CDH17: variants seen among roughly 807,000 people sequenced by gnomAD.
The protein encoded by CDH17 is cadherin 17.
Under a neutral mutation model 86.3 loss-of-function variants are expected in CDH17, and 67 were observed. The observed-to-expected ratio is 0.78, with a 90% CI of 0.64 to 0.95. The LOEUF (loss-of-function observed/expected upper bound fraction) is 0.95. Ranked by LOEUF, CDH17 falls within the 40% of genes least tolerant of loss-of-function variation. The probability of loss-of-function intolerance (pLI) is 0.00; values close to 1 mark genes in which losing one functional copy is unlikely to be tolerated. For synonymous variants in CDH17, 367 were observed against 366.4 expected, an observed-to-expected ratio of 1.00 and a Z score of -0.02; for missense variants, 993 against 1,017.6, an observed-to-expected ratio of 0.98 and a Z score of 0.33.
intron 11 of CDH17, among the ~76,000 whole-genome samples, chr8:94,161,652 T>C (rs1813054033): frequency 6.7e-6 from 1 of 149,030 alleles, no homozygotes; most frequent in Non-Finnish European, 1.5e-5. Context: ...TCTTCTCCCT[T>C]TCTCTTACCC....
rs1411285938 is a variant in CDH17 at position 94,128,022 on chromosome 8, G to T, written c.*218C>A. ...GCAGGAGAATCATGTGAACCCAGGA[G>T]GCGGAGGTTGCAGTGAGCTGGGATC... On this transcript the variant is annotated 3_prime_UTR_variant, in exon 18 of 18. Transcript: ENST00000027335. The T allele has an allele frequency of 2.4e-5, 10 of 421,060 alleles. No homozygotes were observed. The highest frequency in any genetic ancestry group is 3.8e-5 in the Non-Finnish European group (9 of 235,802). 26.1% of individuals were successfully genotyped at this position (421,060 alleles called of 1,614,324 possible).
intron 10 of CDH17, among the ~76,000 whole-genome samples, chr8:94,162,390 G>A (rs768997408): frequency 2.0e-5 from 3 of 152,152 alleles, no homozygotes; most frequent in Non-Finnish European, 4.4e-5. Flanking sequence ...ATTTTTCTAG[G>A]TTTTTCATTG....
intron 1 of CDH17, among the ~76,000 whole-genome samples, chr8:94,195,560 T>C (rs1813767791): frequency 1.3e-5 from 2 of 152,174 alleles, no homozygotes; most frequent in South Asian, 4.1e-4. Context: ...CTGAACTCTG[T>C]CCTTATTGTC....
intron 7 of CDH17, among the ~76,000 whole-genome samples, chr8:94,172,021 C>T (rs1052338751): frequency 3.0e-5 from 4 of 134,988 alleles, no homozygotes; most frequent in South Asian, 2.7e-4. Flanking sequence ...CCCCTTCTCC[C>T]GCTCCTCCTT....
Position 94,130,913 on chromosome 8 carries a change from C to G in CDH17, c.2247G>C (p.Gly749=), listed in dbSNP as rs1343185948. ...CAATGCCTTCCAAGGGTGGCCGACC[C>G]CCATCATTGATGCGGATCAAGACGA... ...EYVVLIRIND[G]GRPPLEGIVS... is the part of the protein sequence containing the mutation. Residue 749 remains glycine, a synonymous_variant, in exon 16 of 18, where the codon GGG becomes GGC. Coordinates refer to ENST00000027335, the MANE Select transcript of CDH17 (RefSeq NM_004063.4). 3 of 1,611,426 alleles carry G rather than the reference C, an allele frequency of 1.9e-6. No homozygotes were observed. Among genetic ancestry groups the G allele is most frequent in the Non-Finnish European group, 2.5e-6 (3 of 1,177,580 alleles).
intron 1 of CDH17, among the ~76,000 whole-genome samples, chr8:94,215,566 T>C (rs886959487): frequency 2.0e-5 from 3 of 152,166 alleles, no homozygotes; most frequent in Non-Finnish European, 2.9e-5. Flanking sequence ...CTAAGTTTTA[T>C]TGTGGTGGTG....
intron 3 of CDH17, among the ~76,000 whole-genome samples, chr8:94,186,271 A>G (rs1813578784): frequency 6.6e-6 from 1 of 152,088 alleles, no homozygotes; most frequent in Non-Finnish European, 1.5e-5. Context: ...TCTCTCACTC[A>G]GTGACACCAC....
chr8:94,151,218 T>C (rs113490136), intron 13 of CDH17, among the ~76,000 whole-genome samples: 1 of 151,938 alleles, frequency 6.6e-6, no homozygotes, highest in African/African-American at 2.4e-5. Flanking sequence ...TACAGATATA[T>C]ACAAACATAT....
intron 1 of CDH17, among the ~76,000 whole-genome samples, chr8:94,199,067 ATATATATATATATATATTTTT>A (rs1461467678): frequency 1.8e-4 from 7 of 38,278 alleles, no homozygotes; most frequent in Non-Finnish European, 3.2e-4. Flanking sequence ...ATATATATAT[ATATATATATATATATATTTTT>A]TTTTTTTTAT....
chr8:94,197,629 G>A (rs572259670), intron 1 of CDH17, among the ~76,000 whole-genome samples: 3 of 152,066 alleles, frequency 2.0e-5, no homozygotes, highest in East Asian at 3.9e-4. Context: ...TCAGCAGTTC[G>A]AGACAAGCCT....
chr8:94,200,574 A>C (rs112405966), intron 1 of CDH17, among the ~76,000 whole-genome samples: 6 of 137,320 alleles, frequency 4.4e-5, no homozygotes, highest in African/African-American at 1.8e-4. Context: ...TTTTTACAAA[A>C]AAAGGAGTTT....
rs1171639318 is a variant in CDH17, at chr8:94,165,987, G to A, written c.1067-11C>T. ...TCCCGATACTGTTACCTATGAGGAA[G>A]GAAAGAAGGAAAACCCACCATTACA... On this transcript the variant is annotated splice_polypyrimidine_tract_variant and intron_variant, in intron 9 of 17. Coordinates refer to ENST00000027335, the MANE Select transcript of CDH17 (RefSeq NM_004063.4). The A allele has an allele frequency of 1.9e-6, 3 of 1,556,648 alleles. No individual in the cohort carries two copies. The highest frequency in any genetic ancestry group is 2.7e-5 in the African/African-American group (2 of 73,702).
chr8:94,168,221 T>G (rs924228197), intron 9 of CDH17, among the ~76,000 whole-genome samples: 3 of 142,804 alleles, frequency 2.1e-5, no homozygotes, highest in Admixed American at 7.1e-5. Context: ...TGTCATGATC[T>G]CAGCTCACTG....
At chr8:94,145,174 A>ATCTT (rs1293762825) in intron 15 of CDH17, among the ~76,000 whole-genome samples, 2 of 152,186 alleles carry the variant, frequency 1.3e-5, no homozygotes, top group Non-Finnish European at 2.9e-5. Context: ...AAAACTGCAA[A>ATCTT]TCTTTGTCCC....
intron 3 of CDH17, among the ~76,000 whole-genome samples, chr8:94,179,601 A>G (rs1477812233): frequency 6.6e-6 from 1 of 152,212 alleles, no homozygotes; most frequent in Non-Finnish European, 1.5e-5. Flanking sequence ...AGTGAAGGCG[A>G]AGGCAGAGTT....
chr8:94,203,026 C>T (rs571686233), intron 1 of CDH17: 5 of 227,444 alleles, frequency 2.2e-5, no homozygotes, highest in South Asian at 1.2e-4. Flanking sequence ...CCTTAGTATC[C>T]GGCTTCTCAA....
At chr8:94,189,722 G>T (rs1007471936) in intron 2 of CDH17, among the ~76,000 whole-genome samples, 5 of 152,152 alleles carry the variant, frequency 3.3e-5, no homozygotes, top group Non-Finnish European at 7.3e-5. Flanking sequence ...GACATTTACA[G>T]CAGATTGCCA....
chr8:94,161,411 C>T (rs1183185944), intron 11 of CDH17, among the ~76,000 whole-genome samples: 1 of 152,172 alleles, frequency 6.6e-6, no homozygotes, highest in African/African-American at 2.4e-5. Flanking sequence ...TCAAAAATAA[C>T]ATAACAGTCT....
chr8:94,141,466 G>A (rs946014787), intron 15 of CDH17, among the ~76,000 whole-genome samples: 17 of 152,054 alleles, frequency 1.1e-4, no homozygotes, highest in Non-Finnish European at 4.4e-5. Flanking sequence ...GTTTCAGCCA[G>A]TAATAAACAA....
Sources: gnomAD v4.1 joint callset for allele counts (sites outside exome capture counted in the v4.1 genomes callset) on GRCh38, gnomAD v4.1.1 for gene constraint, MANE v1.5 for transcripts, NCBI Gene and HGNC (gene_info 2026-07-23, HGNC 2026-07-21) for gene names.